Variants in ARNT observed in about 807,000 individuals in gnomAD.
ARNT encodes the protein class E basic helix-loop-helix protein 2.
ARNT carries 30 observed loss-of-function variants against 105.0 expected under a neutral mutation model. That is an observed-to-expected ratio of 0.29 (90% CI 0.21 to 0.39). The LOEUF is 0.39. ARNT is among the 10% of genes least tolerant of loss of function. The pLI, the probability that ARNT is intolerant of heterozygous loss-of-function variation, is 1.00. For synonymous variants in ARNT, 304 were observed against 344.0 expected, an observed-to-expected ratio of 0.88 and a Z score of 1.29; for missense variants, 748 against 978.7, an observed-to-expected ratio of 0.76 and a Z score of 3.15.
chr1:150,816,778 C>A lies in ARNT; in HGVS notation c.1802+10G>T. ...GGCCCTGTAAAGCAGCACATATATA[C>A]GGGGCTCACCTGAAATTCTCTGCCG... On this transcript the variant is annotated intron_variant, in intron 18 of 21. Coordinates refer to ENST00000358595, the MANE Select transcript of ARNT (RefSeq NM_001668.4). 1 of 1,573,178 alleles carries A rather than the reference C, an allele frequency of 6.4e-7. No individual in the cohort carries two copies. Among genetic ancestry groups the A allele is most frequent in the Non-Finnish European group, 8.6e-7 (1 of 1,168,160 alleles).
Position 150,860,218 on chromosome 1 carries a change from CT to C in ARNT, c.26-1759del, listed in dbSNP as rs756996050. On this transcript the variant is annotated intron_variant, in intron 1 of 21. Transcript: ENST00000358595. ...CCCATGGAATAGAAAAAAAAAAATT[CT>C]TTTTTTTTTTTTTTGAGTTAGAGTC... Among the ~76,000 whole-genome samples the C allele has an allele frequency of 2.7e-3, 306 of 112,964 alleles. 1 individual carries two copies. The highest frequency in any genetic ancestry group is 5.5e-3 in the Middle Eastern group (1 of 182). 74.1% of individuals were successfully genotyped at this position (112,964 alleles called of 152,430 possible). A position where few individuals can be genotyped will look rare whatever the true frequency, so the allele number is the denominator to read the frequency against.
intron 14 of ARNT, among the ~76,000 whole-genome samples, chr1:150,820,953 C>T (rs1377247116): frequency 6.6e-6 from 1 of 152,194 alleles, no homozygotes; most frequent in African/African-American, 2.4e-5. Context: ...TCTCCCAAAA[C>T]GTTACTACTA....
chr1:150,838,742 CTTCCT>C (rs1660752109), intron 6 of ARNT, among the ~76,000 whole-genome samples: 1 of 152,174 alleles, frequency 6.6e-6, no homozygotes, highest in African/African-American at 2.4e-5. Flanking sequence ...CAGAACATGG[CTTCCT>C]TACCCTCAGA....
At chr1:150,816,912 G>A (rs767732051) in intron 17 of ARNT, 22 bp from the exon 18 acceptor site, 12 of 1,606,564 alleles carry the variant, frequency 7.5e-6, no homozygotes, top group South Asian at 5.5e-5. Flanking sequence ...AAGGAGTTGG[G>A]GAAGGGCCAG....
chr1:150,846,452 C>T (rs1662228899), intron 3 of ARNT, 145 bp from the exon 4 acceptor site: 1 of 743,148 alleles, frequency 1.3e-6, no homozygotes, highest in African/African-American at 1.8e-5. Context: ...ATAACAGCAG[C>T]ACCCCATAGA....
chr1:150,814,276 A>C (rs587727207), intron 19 of ARNT, 37 bp from the exon 20 acceptor site: 1 of 1,600,196 alleles, frequency 6.2e-7, no homozygotes, highest in African/African-American at 1.3e-5. Flanking sequence ...GAACAAATAC[A>C]GCATTAACAT....
Position 150,810,329 on chromosome 1 carries a change from A to T in ARNT, c.*1692T>A, listed in dbSNP as rs587648633. On this transcript the variant is annotated 3_prime_UTR_variant, in exon 22 of 22. Coordinates refer to ENST00000358595, the MANE Select transcript of ARNT (RefSeq NM_001668.4). ...TGTACAATATTATAGTCCTGATCAC[A>T]TTTAAAAAGTCGATTATTAAAAAAC... The T allele has an allele frequency of 1.3e-5, 3 of 230,692 alleles. No homozygotes were observed. In the South Asian group the frequency reaches 5.5e-4, roughly 42 times the overall value. 14.3% of individuals were successfully genotyped at this position (230,692 alleles called of 1,614,324 possible). A position where few individuals can be genotyped will look rare whatever the true frequency, so the allele number is the denominator to read the frequency against.
chr1:150,847,640 A>G (rs1486609022), intron 3 of ARNT, among the ~76,000 whole-genome samples: 1 of 152,226 alleles, frequency 6.6e-6, no homozygotes, highest in Non-Finnish European at 1.5e-5. Context: ...GGTATAAAAA[A>G]AGACTAGTGG....
At chr1:150,853,071 A>C (rs1663926378) in intron 2 of ARNT, 2 of 424,946 alleles carry the variant, frequency 4.7e-6, no homozygotes, top group Non-Finnish European at 8.7e-6. Flanking sequence ...ACCTGAGGTC[A>C]GGAGTTCGAG....
At chr1:150,831,627 T>C in intron 10 of ARNT, 191 bp downstream of exon 10, 1 of 539,198 alleles carries the variant, frequency 1.9e-6, no homozygotes. Flanking sequence ...CAGCCTGAGT[T>C]ATCTATCTCC....
At chr1:150,871,678 G>T (rs1667459272) in intron 1 of ARNT, among the ~76,000 whole-genome samples, 1 of 147,308 alleles carries the variant, frequency 6.8e-6, no homozygotes. Context: ...GGGAGGCCAA[G>T]GTGGGCGGAT....
At chr1:150,859,739 G>A (rs1021457894) in intron 1 of ARNT, among the ~76,000 whole-genome samples, 1 of 152,190 alleles carries the variant, frequency 6.6e-6, no homozygotes, top group Non-Finnish European at 1.5e-5. Context: ...GCTGGGCACA[G>A]TGGCGGATGC....
At chr1:150,855,084 C>G (rs1213277503) in intron 2 of ARNT, among the ~76,000 whole-genome samples, 1 of 151,996 alleles carries the variant, frequency 6.6e-6, no homozygotes, top group Non-Finnish European at 1.5e-5. Context: ...GTATGAGCCT[C>G]CGTGCTCAGC....
chr1:150,831,839 T>C lies in ARNT; in HGVS notation c.934A>G (p.Ile312Val), dbSNP rs759242068. ...HFVVVHCTGY[I>V]KAWPPAGVSL... ...TTACCTGCTGGGGGCCAGGCCTTGA[T>C]GTAGCCTGTGCAGTGGACCACCACG... The change falls in exon 10 of 22, where the codon ATC (isoleucine) becomes GTC (valine). Residue 312 changes from isoleucine (I) to valine (V), a missense_variant. Coordinates refer to ENST00000358595, the MANE Select transcript of ARNT (RefSeq NM_001668.4). 9.3e-6 allele frequency: 15 copies of C among 1,606,792 alleles called. No individual in the cohort carries two copies. The highest frequency in any genetic ancestry group is 1.3e-5 in the Non-Finnish European group (15 of 1,177,994).
intron 18 of ARNT, 31 bp from the exon 19 acceptor site, chr1:150,816,437 A>T (rs755557009): frequency 6.3e-7 from 1 of 1,594,464 alleles, no homozygotes; most frequent in Non-Finnish European, 8.5e-7. Flanking sequence ...TAAAAGATTA[A>T]AAGGATAGAT....
At chr1:150,835,597 T>G (rs1241428072) in intron 7 of ARNT, among the ~76,000 whole-genome samples, 1 of 152,182 alleles carries the variant, frequency 6.6e-6, no homozygotes, top group Non-Finnish European at 1.5e-5. Flanking sequence ...AGACCCTGTC[T>G]CTTTTTTGGG....
intron 13 of ARNT, among the ~76,000 whole-genome samples, chr1:150,823,925 C>T (rs1209187222): frequency 6.6e-6 from 1 of 151,344 alleles, no homozygotes; most frequent in Non-Finnish European, 1.5e-5. Flanking sequence ...TCACTACAAC[C>T]TCCGACTCCC....
chr1:150,820,991 C>G (rs1457207278), intron 14 of ARNT, among the ~76,000 whole-genome samples: 3 of 152,160 alleles, frequency 2.0e-5, no homozygotes, highest in African/African-American at 7.2e-5. Flanking sequence ...AGAAGCCTTA[C>G]CAATAACATA....
intron 10 of ARNT, among the ~76,000 whole-genome samples, chr1:150,830,858 C>T (rs1301218512): frequency 6.6e-6 from 1 of 152,118 alleles, no homozygotes; most frequent in Non-Finnish European, 1.5e-5. Context: ...TATGAAAGAT[C>T]ACATACTTTA....
Sources: gnomAD v4.1 joint callset for allele counts (sites outside exome capture counted in the v4.1 genomes callset) on GRCh38, gnomAD v4.1.1 for gene constraint, MANE v1.5 for transcripts, NCBI Gene and HGNC (gene_info 2026-07-23, HGNC 2026-07-21) for gene names.